Variants in RPS6KC1 observed in about 807,000 individuals in gnomAD.
The protein encoded by RPS6KC1 is inactive ribosomal protein S6 kinase delta-1.
Under a neutral mutation model 103.8 loss-of-function variants are expected in RPS6KC1, and 54 were observed. That is an observed-to-expected ratio of 0.52 (90% CI 0.42 to 0.65). The LOEUF (loss-of-function observed/expected upper bound fraction) is 0.65. Ranked by LOEUF, RPS6KC1 falls within the 30% of genes least tolerant of loss-of-function variation. The probability of loss-of-function intolerance (pLI) is 0.00; values close to 1 mark genes in which losing one functional copy is unlikely to be tolerated. For synonymous variants in RPS6KC1, 439 were observed against 438.7 expected (o/e 1.00, Z -0.01); for missense variants, 1,151 against 1,253.8 (o/e 0.92, Z 1.24).
chr1:213,466,207 T>C, the RPS6KC1 span, among the ~76,000 whole-genome samples: 6 of 152,302 alleles, frequency 3.9e-5, no homozygotes, highest in Admixed American at 1.3e-4. Flanking sequence ...TATATTTTGT[T>C]TGAGATGCCA....
the RPS6KC1 span, among the ~76,000 whole-genome samples, chr1:213,583,645 A>G: frequency 4.0e-5 from 6 of 151,840 alleles, no homozygotes; most frequent in Non-Finnish European, 7.4e-5. Flanking sequence ...ACACGGTGAA[A>G]CCCTGTCTAT....
the RPS6KC1 span, among the ~76,000 whole-genome samples, chr1:213,633,093 G>A: frequency 6.6e-6 from 1 of 152,202 alleles, no homozygotes; most frequent in Non-Finnish European, 1.5e-5. Context: ...GAAAGTGACG[G>A]GGAGAATGAA....
the RPS6KC1 span, among the ~76,000 whole-genome samples, chr1:213,765,536 G>A: frequency 2.0e-5 from 3 of 152,140 alleles, no homozygotes; most frequent in African/African-American, 7.2e-5. Context: ...TGAAGGCAAA[G>A]GTATTGCTTT....
At chr1:213,343,044 T>A in the RPS6KC1 span, among the ~76,000 whole-genome samples, 3 of 151,852 alleles carry the variant, frequency 2.0e-5, no homozygotes, top group Admixed American at 6.6e-5. Flanking sequence ...TCAAAAAAAA[T>A]TTTTTTGTAG....
At chr1:213,610,408 G>A in the RPS6KC1 span, among the ~76,000 whole-genome samples, 4 of 152,162 alleles carry the variant, frequency 2.6e-5, no homozygotes, top group East Asian at 1.9e-4. Flanking sequence ...GCACTGAGAC[G>A]TGGAAGAGTC....
chr1:213,836,485 C>T, the RPS6KC1 span, among the ~76,000 whole-genome samples: 5 of 151,940 alleles, frequency 3.3e-5, no homozygotes, highest in Non-Finnish European at 7.4e-5. Context: ...CATCTCCTTC[C>T]TCTTCTTCTT....
At chr1:213,053,206 T>C (rs1281627985) in intron 1 of RPS6KC1, among the ~76,000 whole-genome samples, 1 of 152,216 alleles carries the variant, frequency 6.6e-6, no homozygotes, top group Non-Finnish European at 1.5e-5. Flanking sequence ...CAGAACAGTT[T>C]TCAACATACG....
the RPS6KC1 span, among the ~76,000 whole-genome samples, chr1:213,628,463 T>A: frequency 6.6e-6 from 1 of 152,178 alleles, no homozygotes; most frequent in Non-Finnish European, 1.5e-5. Flanking sequence ...TTCTGCTAGC[T>A]TTTGTCTTTT....
the RPS6KC1 span, among the ~76,000 whole-genome samples, chr1:213,717,629 C>T: frequency 6.6e-6 from 1 of 152,124 alleles, no homozygotes; most frequent in Non-Finnish European, 1.5e-5. Context: ...GTCATGGCAG[C>T]CATTGAAGGC....
chr1:213,417,148 C>T, the RPS6KC1 span, among the ~76,000 whole-genome samples: 1 of 152,114 alleles, frequency 6.6e-6, no homozygotes, highest in Non-Finnish European at 1.5e-5. Context: ...CACGGTCTTT[C>T]CTCCTCCTCC....
the RPS6KC1 span, among the ~76,000 whole-genome samples, chr1:213,670,243 G>C: frequency 0.99 from 150,883 of 152,276 alleles, 74,758 homozygotes; most frequent in Middle Eastern, 1. Context: ...AGTGGATGCT[G>C]TCCTCAGCCC....
intron 8 of RPS6KC1, among the ~76,000 whole-genome samples, chr1:213,184,442 TTC>T (rs1042938940): frequency 6.6e-6 from 1 of 152,074 alleles, no homozygotes; most frequent in African/African-American, 2.4e-5. Context: ...TATTTATCTT[TTC>T]AAGAAAACCA....
chr1:213,365,491 GAACAATTGGTTT>G, the RPS6KC1 span, among the ~76,000 whole-genome samples: 8 of 152,194 alleles, frequency 5.3e-5, no homozygotes, highest in African/African-American at 1.9e-4. Flanking sequence ...CACAGTGATG[GAACAATTGGTTT>G]ATTATGTGTT....
the RPS6KC1 span, among the ~76,000 whole-genome samples, chr1:213,839,575 C>T: frequency 6.6e-6 from 1 of 152,192 alleles, no homozygotes; most frequent in Non-Finnish European, 1.5e-5. Context: ...TACCTCTCCT[C>T]GCCTCTCATG....
the RPS6KC1 span, among the ~76,000 whole-genome samples, chr1:213,390,219 C>T: frequency 6.6e-5 from 10 of 152,322 alleles, no homozygotes; most frequent in South Asian, 4.1e-4. Context: ...TATTTACATG[C>T]TATTCACAAA....
chr1:213,500,657 A>G, the RPS6KC1 span, among the ~76,000 whole-genome samples: 4 of 152,216 alleles, frequency 2.6e-5, no homozygotes, highest in African/African-American at 7.2e-5. Flanking sequence ...ACATTAGGAC[A>G]GCTAAAGGTG....
chr1:213,770,059 G>A, the RPS6KC1 span, among the ~76,000 whole-genome samples: 1 of 152,158 alleles, frequency 6.6e-6, no homozygotes, highest in Non-Finnish European at 1.5e-5. Context: ...TGCTTGCCCG[G>A]CCACAACCAG....
chr1:213,564,557 C>G, the RPS6KC1 span, among the ~76,000 whole-genome samples: 1 of 152,212 alleles, frequency 6.6e-6, no homozygotes, highest in Admixed American at 6.5e-5. Flanking sequence ...TTTGTTGCCA[C>G]ATTGGAAAGT....
At chr1:213,064,432 A>G (rs2078118288) in intron 1 of RPS6KC1, among the ~76,000 whole-genome samples, 2 of 151,504 alleles carry the variant, frequency 1.3e-5, no homozygotes, top group East Asian at 1.9e-4. Flanking sequence ...CAATGGCGCA[A>G]TCTCAGCTCA....
Sources: gnomAD v4.1 joint callset for allele counts (sites outside exome capture counted in the v4.1 genomes callset) on GRCh38, gnomAD v4.1.1 for gene constraint, MANE v1.5 for transcripts, NCBI Gene and HGNC (gene_info 2026-07-23, HGNC 2026-07-21) for gene names.